The following TP53BP1 variants were observed in gnomAD, a reference collection of about 807,000 sequenced individuals.
The protein encoded by TP53BP1 is tumor protein p53 binding protein 1.
TP53BP1 carries 61 observed loss-of-function variants against 200.8 expected under a neutral mutation model. That is an observed-to-expected ratio of 0.30 (90% CI 0.25 to 0.38). The LOEUF (loss-of-function observed/expected upper bound fraction) is 0.38. Among genes scored for constraint, TP53BP1 ranks in the 10% least tolerant of loss-of-function variants. TP53BP1 has a pLI of 1.00. For synonymous variants in TP53BP1, 822 were observed against 844.3 expected (o/e 0.97, Z 0.46); for missense variants, 2,144 against 2,371.9 (o/e 0.90, Z 2.00).
At chr15:43,476,665 G>A (rs2078887142) in intron 8 of TP53BP1, among the ~76,000 whole-genome samples, 1 of 152,196 alleles carries the variant, frequency 6.6e-6, no homozygotes, top group South Asian at 2.1e-4. Context: ...AGGTTCCTCG[G>A]TGACCCTCTG....
At position 43,432,336 on chromosome 15, in the gene TP53BP1, G is replaced by C. The variant is rs757917074; in HGVS notation, c.3533C>G (p.Thr1178Ser). 1.2e-6 allele frequency: 2 copies of C among 1,614,186 alleles called. No homozygotes were observed. Among genetic ancestry groups the C allele is most frequent in the Non-Finnish European group, 1.7e-6 (2 of 1,180,024 alleles). ...VPETVSAATQTIKNVCEQGTS... is the reference protein window; with the variant it reads ...VPETVSAATQSIKNVCEQGTS... ...CCCCTGCTCACACACATTCTTTATA[G>C]TCTGGGTTGCTGCTGAAACAGTTTC... The change falls in exon 17 of 28, where the codon ACT becomes AGT. Residue 1178 changes from threonine to serine, a missense_variant. Physicochemically the swap from Thr to Ser is moderately conservative, Grantham distance 58. Around this residue, in one of 4 missense-constraint regions of TP53BP1, gnomAD observed 1,700 missense variants for 1,710.3 expected, o/e 0.99. Transcript: ENST00000382044.
chr15:43,496,399 T>C (rs1378940157), upstream of TP53BP1, among the ~76,000 whole-genome samples: 1 of 152,132 alleles, frequency 6.6e-6, no homozygotes, highest in Admixed American at 6.5e-5. Context: ...ATCTAAATAC[T>C]ATATGACTTA....
chr15:43,478,935 G>A (rs1019881749), intron 7 of TP53BP1, among the ~76,000 whole-genome samples: 1 of 152,228 alleles, frequency 6.6e-6, no homozygotes, highest in Non-Finnish European at 1.5e-5. Flanking sequence ...TGCAGGCTAG[G>A]CAGAGTGGCT....
upstream of TP53BP1, among the ~76,000 whole-genome samples, chr15:43,493,369 G>A (rs1194611280): frequency 1.3e-5 from 2 of 152,084 alleles, no homozygotes; most frequent in Admixed American, 1.3e-4. Flanking sequence ...GAACCGAAGG[G>A]ACCTTGAGAG....
intron 10 of TP53BP1, among the ~76,000 whole-genome samples, chr15:43,470,488 GTATC>G (rs1555407009): frequency 2.0e-5 from 3 of 152,136 alleles, no homozygotes; most frequent in Admixed American, 6.5e-5. Flanking sequence ...GGTAAATACA[GTATC>G]TATAATTCAT....
In TP53BP1 at chr15:43,404,784, T is replaced by C. The variant is rs1284475881; in HGVS notation, c.*2599A>G. 1 of 543,494 alleles carries C rather than the reference T, an allele frequency of 1.8e-6. No individual in the cohort carries two copies. Among genetic ancestry groups the C allele is most frequent in the Non-Finnish European group, 3.2e-6 (1 of 311,560 alleles). The allele number at this position is 543,494 out of a possible 1,614,324, so 33.7% of individuals were successfully genotyped here. ...TGACAGTGAGATAGGTGTTAAGTCCTTTGCTAGGTTATGTATTGCTATGCT... is the reference window on the plus strand; with the variant it reads ...TGACAGTGAGATAGGTGTTAAGTCCCTTGCTAGGTTATGTATTGCTATGCT... On this transcript the variant is annotated 3_prime_UTR_variant, in exon 28 of 28. Coordinates refer to ENST00000382044, the MANE Select transcript of TP53BP1 (RefSeq NM_001141980.3).
intron 10 of TP53BP1, 147 bp downstream of exon 10, chr15:43,474,526 T>C (rs1270863760): frequency 5.3e-6 from 2 of 377,344 alleles, no homozygotes; most frequent in African/African-American, 4.5e-5. Context: ...GTAGGTCACA[T>C]CCCTAAAGGT....
intron 4 of TP53BP1, among the ~76,000 whole-genome samples, chr15:43,482,383 C>T (rs1484309559): frequency 1.3e-5 from 2 of 152,178 alleles, no homozygotes; most frequent in Admixed American, 6.5e-5. Flanking sequence ...TCCCTGTAAT[C>T]CCAGCACTTC....
At chr15:43,452,149 A>G (rs1221321358) in intron 12 of TP53BP1, among the ~76,000 whole-genome samples, 1 of 152,126 alleles carries the variant, frequency 6.6e-6, no homozygotes, top group African/African-American at 2.4e-5. Context: ...AAATAAAAAT[A>G]AAATTAGTCT....
In TP53BP1 at chr15:43,493,138, C is replaced by A; in HGVS notation, c.-95G>T. 6.3e-7 allele frequency: 1 copy of A among 1,578,002 alleles called. No individual in the cohort carries two copies. The highest frequency in any genetic ancestry group is 8.6e-7 in the Non-Finnish European group (1 of 1,167,250). On this transcript the variant is annotated 5_prime_UTR_variant, in exon 1 of 28. Transcript: ENST00000382044. The stretch of plus-strand genomic sequence containing the variant: ...CCTAGGTCGCCGCTGTCGCCACCGC[C>A]GCCACCGGCCGCGAACTCCCCCTTT...
Position 43,447,488 on chromosome 15 carries a change from G to GAAAAAAAA in TP53BP1, c.2717-11_2717-4dup, listed in dbSNP as rs749575788. ...CAAAGTGAAATGAAATGGGGTTTCT[G>GAAAAAAAA]AAAAAAAAAAAAAAAAGAAAAAAGA... On this transcript the variant is annotated splice_region_variant and splice_polypyrimidine_tract_variant and intron_variant, in intron 12 of 27. Transcript: ENST00000382044. 38 of 956,412 alleles carry GAAAAAAAA rather than the reference G, an allele frequency of 4.0e-5. No individual in the cohort carries two copies. Among genetic ancestry groups the GAAAAAAAA allele is most frequent in the South Asian group, 3.8e-4 (13 of 34,500 alleles). The allele number at this position is 956,412 out of a possible 1,614,324, so 59.2% of individuals were successfully genotyped here. A position where few individuals can be genotyped will look rare whatever the true frequency, so the allele number is the denominator to read the frequency against.
At chr15:43,474,233 A>G (rs2046798061) in intron 10 of TP53BP1, among the ~76,000 whole-genome samples, 1 of 152,148 alleles carries the variant, frequency 6.6e-6, no homozygotes, top group Admixed American at 6.5e-5. Flanking sequence ...AGCGCCGCGC[A>G]CAGCCCCGGT....
intron 1 of TP53BP1, among the ~76,000 whole-genome samples, chr15:43,509,200 G>GGGC (rs2079256669): frequency 1.2e-5 from 1 of 83,224 alleles, no homozygotes; most frequent in African/African-American, 5.5e-5. Context: ...GGGGGGGGGG[G>GGGC]GGCAGAGGTA....
intron 10 of TP53BP1, among the ~76,000 whole-genome samples, chr15:43,472,533 G>A (rs1472206540): frequency 6.6e-6 from 1 of 152,150 alleles, no homozygotes; most frequent in Non-Finnish European, 1.5e-5. Flanking sequence ...AAATCTCTAA[G>A]TCGTCAAAGG....
At chr15:43,477,293 C>A (rs1221126260) in intron 8 of TP53BP1, among the ~76,000 whole-genome samples, 2 of 140,956 alleles carry the variant, frequency 1.4e-5, no homozygotes, top group East Asian at 4.1e-4. Context: ...GAGTGAGACT[C>A]CATCTCAAAA....
chr15:43,482,043 T>C (rs942017329), intron 4 of TP53BP1, among the ~76,000 whole-genome samples: 3 of 148,690 alleles, frequency 2.0e-5, no homozygotes, highest in Non-Finnish European at 3.0e-5. Flanking sequence ...CTGGCTAACA[T>C]GGTGAAACCC....
At chr15:43,436,619 C>T (rs989562653) in intron 16 of TP53BP1, among the ~76,000 whole-genome samples, 8 of 151,652 alleles carry the variant, frequency 5.3e-5, no homozygotes, top group Admixed American at 4.6e-4. Flanking sequence ...GGACCACAAG[C>T]GCATGCCACC....
At chr15:43,451,814 G>C (rs903860180) in intron 12 of TP53BP1, among the ~76,000 whole-genome samples, 3 of 152,328 alleles carry the variant, frequency 2.0e-5, no homozygotes, top group South Asian at 4.1e-4. Context: ...GTGTAAAAGT[G>C]AAGAACCATT....
intron 12 of TP53BP1, among the ~76,000 whole-genome samples, chr15:43,451,551 A>G (rs2046171223): frequency 6.6e-6 from 1 of 152,166 alleles, no homozygotes; most frequent in Admixed American, 6.5e-5. Flanking sequence ...TCCATGGTGT[A>G]TATGTGCCAC....
Sources: gnomAD v4.1 joint callset for allele counts (sites outside exome capture counted in the v4.1 genomes callset) on GRCh38, gnomAD v4.1.1 for gene constraint, gnomAD v4.1.1 regional missense constraint, MANE v1.5 for transcripts, NCBI Gene and HGNC (gene_info 2026-07-23, HGNC 2026-07-21) for gene names.